FLNB: variants seen among roughly 807,000 people sequenced by gnomAD.
FLNB encodes the protein filamin B.
FLNB carries 111 observed loss-of-function variants against 250.6 expected under a neutral mutation model. The ratio of observed to expected loss-of-function variants is 0.44; its 90% CI spans 0.38 to 0.52. FLNB has a LOEUF of 0.52. FLNB is among the 20% of genes least tolerant of loss of function. The pLI, the probability that FLNB is intolerant of heterozygous loss-of-function variation, is 0.00. For missense variants in FLNB, 2,869 were observed against 3,447.8 expected, an observed-to-expected ratio of 0.83 and a Z score of 4.20; for synonymous variants, 1,302 against 1,372.1, an observed-to-expected ratio of 0.95 and a Z score of 1.13.
intron 34 of FLNB, 67 bp from the exon 35 acceptor site, chr3:58,148,139 C>T: frequency 6.6e-7 from 1 of 1,509,488 alleles, no homozygotes; most frequent in Non-Finnish European, 9.2e-7. Flanking sequence ...CAGCATATGG[C>T]ATGGCAGCTC....
chr3:58,072,848 A>G (rs1437557974), intron 1 of FLNB, among the ~76,000 whole-genome samples: 1 of 152,238 alleles, frequency 6.6e-6, no homozygotes, highest in Non-Finnish European at 1.5e-5. Context: ...CAACTGGATC[A>G]TATTTCCCCC....
At chr3:58,043,274 A>G (rs1467629005) in intron 1 of FLNB, among the ~76,000 whole-genome samples, 1 of 150,998 alleles carries the variant, frequency 6.6e-6, no homozygotes, top group African/African-American at 2.4e-5. Context: ...AGTTGGGACT[A>G]CAGGCACACT....
chr3:58,105,304 CCTAGCCTCAAT>C (rs1465525154), intron 11 of FLNB, 88 bp downstream of exon 11: 1 of 1,555,756 alleles, frequency 6.4e-7, no homozygotes, highest in African/African-American at 1.4e-5. Flanking sequence ...TGGGGCCTTG[CCTAGCCTCAAT>C]ACCTTTAGCT....
Position 58,065,953 on chromosome 3 carries a change from G to A in FLNB, c.293-11093G>A, listed in dbSNP as rs187244320. ...GAGACACAGACTGCCATCAGGCTGAGGCCTCCAGAGCTCATGCTGGGCTTT... is the reference window on the plus strand; with the variant it reads ...GAGACACAGACTGCCATCAGGCTGAAGCCTCCAGAGCTCATGCTGGGCTTT... On this transcript the variant is annotated intron_variant, in intron 1 of 45. Transcript: ENST00000295956. Among the ~76,000 whole-genome samples the A allele has an allele frequency of 1.4e-4, 21 of 152,268 alleles. No individual in the cohort carries two copies. In the East Asian group the frequency reaches 3.1e-3, roughly 22 times the overall value.
chr3:58,080,420 A>G (rs1347523684), intron 3 of FLNB, among the ~76,000 whole-genome samples: 1 of 151,908 alleles, frequency 6.6e-6, no homozygotes, highest in Non-Finnish European at 1.5e-5. Context: ...TGGCACCTTC[A>G]GGGAAGTCAC....
At chr3:58,052,871 T>G (rs2097164612) in intron 1 of FLNB, among the ~76,000 whole-genome samples, 1 of 152,184 alleles carries the variant, frequency 6.6e-6, no homozygotes, top group African/African-American at 2.4e-5. Context: ...AACCCCATGG[T>G]CACCCTCGCA....
Position 58,098,856 on chromosome 3 carries a change from C to T in FLNB, c.1293C>T (p.Phe431=), listed in dbSNP as rs763982695. The T allele has an allele frequency of 8.7e-6, 14 of 1,614,110 alleles. No individual in the cohort carries two copies. Among genetic ancestry groups the T allele is most frequent in the Non-Finnish European group, 1.1e-5 (13 of 1,180,006 alleles). ...CTGGCCCTCACGTGGTCAAGATCTT[C>T]TTTGCTGGGGACACTATTCCTAAGA... ...MQPGPHVVKI[F]FAGDTIPKSP... The change falls in exon 8 of 46, where the codon TTC becomes TTT. Residue 431 remains phenylalanine, a synonymous_variant. Coordinates refer to ENST00000295956, the MANE Select transcript of FLNB (RefSeq NM_001457.4).
intron 1 of FLNB, among the ~76,000 whole-genome samples, chr3:58,062,879 G>A (rs186234030): frequency 1.9e-4 from 29 of 152,286 alleles, no homozygotes; most frequent in Non-Finnish European, 3.7e-4. Context: ...CAATGCCAAC[G>A]GGGAGGCACC....
chr3:58,067,250 AGCACCACTT>A (rs137892647), intron 1 of FLNB, among the ~76,000 whole-genome samples: 6,202 of 151,984 alleles, frequency 0.041, 413 homozygotes, highest in African/African-American at 0.14. Context: ...ACAGTGTACT[AGCACCACTT>A]GGTGCTCCTG....
rs563476807 is a variant in FLNB, at chr3:58,120,622, T to C, written c.2864-619T>C. ...AGCACTTGCTTCAATCGGCTCGCAT[T>C]TGGCAGCTCTGTGACTTCTGCTTTC... On this transcript the variant is annotated intron_variant, in intron 19 of 45. Coordinates refer to ENST00000295956, the MANE Select transcript of FLNB (RefSeq NM_001457.4). 3.3e-5 allele frequency among the ~76,000 whole-genome samples: 5 copies of C among 152,352 alleles called. No individual in the cohort carries two copies. The East Asian group carries it at 9.6e-4, about 29-fold the overall frequency.
In FLNB at chr3:58,169,830, A is replaced by AGGGGGGGGGTGGGGCT; in HGVS notation, c.7621+41_7621+42insGGGGGTGGGGCTGGGG. The AGGGGGGGGGTGGGGCT allele has an allele frequency of 1.5e-6, 1 of 672,048 alleles. No individual in the cohort carries two copies. Among genetic ancestry groups the AGGGGGGGGGTGGGGCT allele is most frequent in the Non-Finnish European group, 2.7e-6 (1 of 370,016 alleles). The allele number at this position is 672,048 out of a possible 1,614,324, so 41.6% of individuals were successfully genotyped here. ...GGCCTTTTCAAGGGTGGGGTGGGGC[A>AGGGGGGGGGTGGGGCT]GGGGCAGGCTGGGCACCCTGGGTAC... On this transcript the variant is annotated intron_variant, in intron 45 of 45. Coordinates refer to ENST00000295956, the MANE Select transcript of FLNB (RefSeq NM_001457.4). The surrounding 1 kb of genome is among the most constrained non-coding windows in gnomAD (Gnocchi z 4.8).
intron 1 of FLNB, among the ~76,000 whole-genome samples, chr3:58,037,058 CTT>C (rs549716136): frequency 1.0e-3 from 105 of 103,566 alleles, no homozygotes; most frequent in African/African-American, 3.5e-3. Flanking sequence ...ACATTAGAGT[CTT>C]TTTTTTTTTT....
chr3:58,115,320 A>C (rs1035765591), intron 18 of FLNB, among the ~76,000 whole-genome samples: 4 of 152,232 alleles, frequency 2.6e-5, no homozygotes, highest in African/African-American at 4.8e-5. Context: ...GTCTGCGTAC[A>C]ATGACTGGGA....
Position 58,170,705 on chromosome 3 carries a change from T to C in FLNB, c.7752T>C (p.Ala2584=), listed in dbSNP as rs1297787012. The change falls in exon 46 of 46, where the codon GCT becomes GCC. Residue 2584 remains alanine (A), a synonymous_variant. Transcript: ENST00000295956. ...AGGAGAGGGGCGATTATGTGCTGGC[T>C]GTGAAGTGGGGGGAGGAACACATCC... ...VVKERGDYVL[A]VKWGEEHIPG... is the part of the protein sequence containing the mutation. 6.2e-7 allele frequency: 1 copy of C among 1,614,194 alleles called. No homozygotes were observed. The highest frequency in any genetic ancestry group is 8.5e-7 in the Non-Finnish European group (1 of 1,180,032).
Position 58,084,013 on chromosome 3 carries a change from G to A in FLNB, c.787+2237G>A, listed in dbSNP as rs535639514. Among the ~76,000 whole-genome samples the A allele has an allele frequency of 2.2e-3, 337 of 152,030 alleles. 2 individuals carry two copies. Among genetic ancestry groups the A allele is most frequent in the African/African-American group, 7.8e-3 (322 of 41,490 alleles). ...TTGAGACCATCCTGGCTAACAAGGT[G>A]AAACCCCATCTCTACTAAAAATACA... On this transcript the variant is annotated intron_variant, in intron 4 of 45. Transcript: ENST00000295956.
Position 58,117,096 on chromosome 3 carries a change from C to G in FLNB, c.2746-1776C>G, listed in dbSNP as rs77549946. Among the ~76,000 whole-genome samples, 1,494 of 152,266 alleles carry G rather than the reference C, an allele frequency of 9.8e-3. 32 individuals are homozygous for G. The highest frequency in any genetic ancestry group is 0.033 in the African/African-American group (1,389 of 41,540). On this transcript the variant is annotated intron_variant, in intron 18 of 45. Coordinates refer to ENST00000295956, the MANE Select transcript of FLNB (RefSeq NM_001457.4). ...AAGAATAAGATTCAGGTTTCAGAAG[C>G]ATGTAGAGGAGAGTGAAACTGTCTT...
rs201975016 is a variant in FLNB, at chr3:58,094,756, C to A, written c.788-80C>A. 713 of 1,175,384 alleles carry A rather than the reference C, an allele frequency of 6.1e-4. 1 individual carries two copies. Among genetic ancestry groups the A allele is most frequent in the Non-Finnish European group, 4.6e-4 (356 of 780,504 alleles). 72.8% of individuals were successfully genotyped at this position (1,175,384 alleles called of 1,614,324 possible). A position where few individuals can be genotyped will look rare whatever the true frequency, so the allele number is the denominator to read the frequency against. On this transcript the variant is annotated intron_variant, in intron 4 of 45. Coordinates refer to ENST00000295956, the MANE Select transcript of FLNB (RefSeq NM_001457.4). ...CAGGGCTGGGTCCCATCTCTCAGTT[C>A]CCTGAAAGAGATGCAGTGGGCGATG...
rs116430285 is a variant in FLNB at position 58,024,971 on chromosome 3, A to T, written c.292+16115A>T. 6.8e-3 allele frequency among the ~76,000 whole-genome samples: 1,005 copies of T among 147,744 alleles called. 11 individuals carry two copies. The highest frequency in any genetic ancestry group is 0.024 in the African/African-American group (953 of 40,228). ...CATACTCTGCCCGCCTCGGCCTCCC[A>T]AAGTGCCAGAATTACAAGCGTGAGC... On this transcript the variant is annotated intron_variant, in intron 1 of 45. Coordinates refer to ENST00000295956, the MANE Select transcript of FLNB (RefSeq NM_001457.4).
intron 38 of FLNB, among the ~76,000 whole-genome samples, chr3:58,152,555 T>C (rs2097346864): frequency 6.6e-6 from 1 of 152,250 alleles, no homozygotes. Context: ...TTCATGACCT[T>C]ATCTAATCCT....
Sources: allele counts gnomAD v4.1 joint callset (sites outside exome capture counted in the v4.1 genomes callset), GRCh38; gene constraint gnomAD v4.1.1; non-coding constraint Gnocchi (gnomAD v3.1); transcripts MANE v1.5; gene names NCBI Gene and HGNC (gene_info 2026-07-23, HGNC 2026-07-21).